OTUD7A: variants seen among roughly 807,000 people sequenced by gnomAD.
OTUD7A encodes the protein OTU domain-containing protein 7A.
Under a neutral mutation model 65.7 loss-of-function variants are expected in OTUD7A, and 12 were observed. That is an observed-to-expected ratio of 0.18 (90% confidence interval 0.12 to 0.30). OTUD7A has a LOEUF of 0.30. Among genes scored for constraint, OTUD7A ranks in the 10% least tolerant of loss-of-function variants. OTUD7A has a pLI of 1.00. For synonymous variants in OTUD7A, 641 were observed against 586.3 expected, an observed-to-expected ratio of 1.09 and a Z score of -1.35; for missense variants, 1,148 against 1,304.8, an observed-to-expected ratio of 0.88 and a Z score of 1.85.
At chr15:31,654,593 G>A (rs1891932916) in intron 3 of OTUD7A, among the ~76,000 whole-genome samples, 1 of 151,904 alleles carries the variant, frequency 6.6e-6, no homozygotes, top group South Asian at 2.1e-4. Context: ...AAAAAAAAAA[G>A]AAAGGTAAAT....
At chr15:31,502,833 G>C (rs192103552) in intron 9 of OTUD7A, among the ~76,000 whole-genome samples, 1 of 152,208 alleles carries the variant, frequency 6.6e-6, no homozygotes, top group East Asian at 1.9e-4. Context: ...AAGGGGGTGG[G>C]CCAGGCAGGA....
rs2041425157 is a variant in OTUD7A at position 31,498,976 on chromosome 15, C to G, written c.1171+2714G>C. Among the ~76,000 whole-genome samples the G allele has an allele frequency of 6.6e-6, 1 of 152,138 alleles. No individual in the cohort carries two copies. Among genetic ancestry groups the G allele is most frequent in the Admixed American group, 6.5e-5 (1 of 15,270 alleles). ...ACTTGAAGATGGTCAGTGGCGGCAT[C>G]AGCAGTAGCCGGGCCACGGCAGTAG... On this transcript the variant is annotated intron_variant, in intron 10 of 12. Coordinates refer to ENST00000307050, the MANE Select transcript of OTUD7A (RefSeq NM_001382637.1). This position sits in a 1 kb window ranked among gnomAD's most constrained non-coding sequence, Gnocchi z 4.2.
intron 1 of OTUD7A, among the ~76,000 whole-genome samples, chr15:31,699,927 G>A (rs982798328): frequency 3.6e-4 from 54 of 151,978 alleles, no homozygotes; most frequent in African/African-American, 1.2e-3. Flanking sequence ...AAAATTCCCC[G>A]TTGAACCGCT....
chr15:31,663,784 C>A lies in OTUD7A; in HGVS notation c.-99-6707G>T, dbSNP rs186918718. ...TGGTGCACCCATCACCTGAGCAGTA[C>A]ACACAGAACCCTATTTGCAGTCTTT... On this transcript the variant is annotated intron_variant, in intron 1 of 12. Transcript: ENST00000307050. Among the ~76,000 whole-genome samples, 81 of 152,200 alleles carry A rather than the reference C, an allele frequency of 5.3e-4. 1 individual carries two copies. Among genetic ancestry groups the A allele is most frequent in the African/African-American group, 1.7e-3 (70 of 41,504 alleles).
At chr15:31,849,354 A>G (rs1897364569) in intron 1 of OTUD7A, among the ~76,000 whole-genome samples, 1 of 152,264 alleles carries the variant, frequency 6.6e-6, no homozygotes, top group South Asian at 2.1e-4. Flanking sequence ...AGCCATATGT[A>G]GAAAGCTGAA....
chr15:31,548,727 C>T (rs1888217572), intron 5 of OTUD7A, among the ~76,000 whole-genome samples: 1 of 152,158 alleles, frequency 6.6e-6, no homozygotes, highest in Non-Finnish European at 1.5e-5. Context: ...AGTGCCCACC[C>T]CATCCTATCC....
At chr15:31,772,388 A>G (rs1895264881) in intron 1 of OTUD7A, among the ~76,000 whole-genome samples, 1 of 151,768 alleles carries the variant, frequency 6.6e-6, no homozygotes, top group South Asian at 2.1e-4. Flanking sequence ...CAGCATTTGC[A>G]TAATCCCTGA....
At chr15:31,791,076 G>A (rs987648510) in intron 1 of OTUD7A, among the ~76,000 whole-genome samples, 2 of 152,136 alleles carry the variant, frequency 1.3e-5, no homozygotes, top group Admixed American at 1.3e-4. Context: ...CGCCAGGCTG[G>A]AGTGCAGTGG....
At chr15:31,507,073 T>A (rs1204550910) in intron 8 of OTUD7A, among the ~76,000 whole-genome samples, 1 of 152,194 alleles carries the variant, frequency 6.6e-6, no homozygotes, top group Non-Finnish European at 1.5e-5. Context: ...TGTCTTTAAT[T>A]TTTTATTTTT....
intron 1 of OTUD7A, among the ~76,000 whole-genome samples, chr15:31,850,635 G>C (rs1436562806): frequency 6.6e-6 from 1 of 152,032 alleles, no homozygotes; most frequent in Non-Finnish European, 1.5e-5. Context: ...CCATCCTTCT[G>C]CTCACACCCA....
At position 31,511,035 on chromosome 15, in the gene OTUD7A, A is replaced by G. The variant is rs1488767073; in HGVS notation, c.894-7217T>C. On this transcript the variant is annotated intron_variant, in intron 8 of 12. Coordinates refer to ENST00000307050, the MANE Select transcript of OTUD7A (RefSeq NM_001382637.1). Reference sequence around the variant, plus strand: ...GTAACATACATGTATATCTATATGTAACATACATGTATATCTATATGTAAC... The same window carrying G: ...GTAACATACATGTATATCTATATGTGACATACATGTATATCTATATGTAAC... 7.7e-5 allele frequency among the ~76,000 whole-genome samples: 3 copies of G among 38,876 alleles called. 1 individual carries two copies. Among genetic ancestry groups the G allele is most frequent in the Non-Finnish European group, 1.3e-4 (3 of 23,990 alleles). 25.5% of individuals were successfully genotyped at this position (38,876 alleles called of 152,430 possible).
At chr15:31,818,525 A>G (rs1896605441) in intron 1 of OTUD7A, among the ~76,000 whole-genome samples, 1 of 152,116 alleles carries the variant, frequency 6.6e-6, no homozygotes, top group Non-Finnish European at 1.5e-5. Context: ...GAGGGGTGAG[A>G]CCATGGGCCT....
At chr15:31,852,398 A>G (rs778308989) in intron 1 of OTUD7A, among the ~76,000 whole-genome samples, 4 of 152,242 alleles carry the variant, frequency 2.6e-5, no homozygotes, top group Non-Finnish European at 5.9e-5. Flanking sequence ...AGTTTTGCAG[A>G]TGGAGAAACT....
chr15:31,607,793 C>T (rs1207328625), intron 3 of OTUD7A, among the ~76,000 whole-genome samples: 1 of 152,134 alleles, frequency 6.6e-6, no homozygotes, highest in Non-Finnish European at 1.5e-5. Flanking sequence ...TACCATATAG[C>T]CTAGGTGTGT....
chr15:31,701,432 T>G (rs2625826), intron 1 of OTUD7A, among the ~76,000 whole-genome samples: 3 of 151,664 alleles, frequency 2.0e-5, no homozygotes, highest in African/African-American at 7.2e-5. Context: ...AAATAAAAAG[T>G]TTAAAAAGAT....
intron 1 of OTUD7A, among the ~76,000 whole-genome samples, chr15:31,785,901 T>C (rs1260778067): frequency 6.6e-6 from 1 of 152,212 alleles, no homozygotes; most frequent in African/African-American, 2.4e-5. Context: ...TTGAATGTCC[T>C]CTCCAAAACT....
chr15:31,827,734 C>T (rs1896832243), intron 1 of OTUD7A, among the ~76,000 whole-genome samples: 1 of 152,208 alleles, frequency 6.6e-6, no homozygotes, highest in East Asian at 1.9e-4. Context: ...TGGGACCAGC[C>T]TGGCCAACGT....
Position 31,815,296 on chromosome 15 carries a change from T to C in OTUD7A, c.-100+55211A>G, listed in dbSNP as rs559959642. Among the ~76,000 whole-genome samples, 346 of 152,284 alleles carry C rather than the reference T, an allele frequency of 2.3e-3. 4 individuals are homozygous for C. The highest frequency in any genetic ancestry group is 3.0e-3 in the Non-Finnish European group (202 of 68,024). Reference sequence around the variant, plus strand: ...GAAAGCAACATGCCCAAGTGGACACTGAATCAGAGGGCTCCCAGCAGAATG... The same window carrying C: ...GAAAGCAACATGCCCAAGTGGACACCGAATCAGAGGGCTCCCAGCAGAATG... On this transcript the variant is annotated intron_variant, in intron 1 of 12. Transcript: ENST00000307050.
intron 3 of OTUD7A, among the ~76,000 whole-genome samples, chr15:31,645,688 G>A (rs1680620373): frequency 6.6e-6 from 1 of 152,014 alleles, no homozygotes; most frequent in African/African-American, 2.4e-5. Context: ...TTCTTTTTTA[G>A]TTTGTTGGAA....
Sources: allele counts gnomAD v4.1 joint callset (sites outside exome capture counted in the v4.1 genomes callset), GRCh38; gene constraint gnomAD v4.1.1; non-coding constraint Gnocchi (gnomAD v3.1); transcripts MANE v1.5; gene names NCBI Gene and HGNC (gene_info 2026-07-23, HGNC 2026-07-21).